UFL1: variants seen among roughly 807,000 people sequenced by gnomAD.
The protein encoded by UFL1 is UFM1 specific ligase 1, also known as E3 UFM1-protein ligase 1.
Under a neutral mutation model 99.3 loss-of-function variants are expected in UFL1, and 78 were observed. The observed-to-expected ratio is 0.79, with a 90% CI of 0.65 to 0.95. The LOEUF is 0.95. Among genes scored for constraint, UFL1 ranks in the 40% least tolerant of loss-of-function variants. The pLI is 0.00. For missense variants in UFL1, 936 were observed against 937.0 expected (o/e 1.00, Z 0.01); for synonymous variants, 335 against 322.2 (o/e 1.04, Z -0.42).
At chr6:96,550,769 G>A (rs1174066738) in intron 15 of UFL1, among the ~76,000 whole-genome samples, 1 of 151,932 alleles carries the variant, frequency 6.6e-6, no homozygotes, top group Admixed American at 6.6e-5. Flanking sequence ...AGAATATCTT[G>A]TTCCATGCCC....
Position 96,525,380 on chromosome 6 carries a change from A to G in UFL1, c.336A>G (p.Gly112=). 1 of 1,604,466 alleles carries G rather than the reference A, an allele frequency of 6.2e-7. No homozygotes were observed. Among genetic ancestry groups the G allele is most frequent in the Non-Finnish European group, 8.5e-7 (1 of 1,175,168 alleles). The part of the protein sequence containing the change: ...KSEKHVQLVL[G]QLIDENYLDR... ...AAAAGCATGTTCAGTTAGTGTTGGG[A>G]CAACTGATAGATGAGTAAGTACAAT... The change falls in exon 4 of 19, where the codon GGA becomes GGG. Residue 112 remains glycine, a synonymous_variant. Transcript: ENST00000369278.
chr6:96,550,190 T>G (rs142001557), intron 15 of UFL1, among the ~76,000 whole-genome samples: 1 of 151,952 alleles, frequency 6.6e-6, no homozygotes, highest in East Asian at 1.9e-4. Flanking sequence ...AACTCTAATC[T>G]CAAACTAAAT....
Position 96,553,481 on chromosome 6 carries a change from A to T in UFL1, c.2363A>T (p.Lys788Ile). 6.2e-7 allele frequency: 1 copy of T among 1,613,446 alleles called. No homozygotes were observed. Among genetic ancestry groups the T allele is most frequent in the Non-Finnish European group, 8.5e-7 (1 of 1,179,678 alleles). ...AAAGACCTTGTTCTCAAATCTAGGA[A>T]ATCATCTGTGACGGAAGAGTAATGA... Reference protein sequence around the residue: ...SIKDLVLKSRKSSVTEE With the variant: ...SIKDLVLKSRISSVTEE The change falls in exon 19 of 19, where the codon AAA (lysine) becomes ATA (isoleucine). Residue 788 changes from lysine to isoleucine, a missense_variant. Lys to Ile is a moderately radical substitution (Grantham distance 102). Coordinates refer to ENST00000369278, the MANE Select transcript of UFL1 (RefSeq NM_015323.5).
At position 96,523,140 on chromosome 6, in the gene UFL1, C is replaced by T. The variant is rs759033523; in HGVS notation, c.78-6C>T. 2 of 1,592,182 alleles carry T rather than the reference C, an allele frequency of 1.3e-6. No individual in the cohort carries two copies. Among genetic ancestry groups the T allele is most frequent in the Non-Finnish European group, 1.7e-6 (2 of 1,171,050 alleles). The stretch of plus-strand genomic sequence containing the variant: ...CTTTTGAAACAACTTTTTTTCTTTC[C>T]CTCAGGTTGTCCGAGCGGAACTGCA... On this transcript the variant is annotated splice_region_variant and splice_polypyrimidine_tract_variant and intron_variant, in intron 1 of 18. Transcript: ENST00000369278.
At chr6:96,550,867 A>T (rs933305609) in intron 15 of UFL1, among the ~76,000 whole-genome samples, 1 of 151,978 alleles carries the variant, frequency 6.6e-6, no homozygotes, top group Non-Finnish European at 1.5e-5. Flanking sequence ...GACATTATAC[A>T]CTTCAGGGCC....
At chr6:96,545,144 A>G (rs146306968) in intron 12 of UFL1, among the ~76,000 whole-genome samples, 4,324 of 151,146 alleles carry the variant, frequency 0.029, 159 homozygotes, top group Admixed American at 0.11. Context: ...CTGTCTGTCT[A>G]CTCTAAAGCT....
rs751367115 is a variant in UFL1, at chr6:96,552,543, G to T, written c.2047G>T (p.Ala683Ser). ...ACAGCTAAAGGTCACAGAAGACCCT[G>T]CTCTTATTCTGCACCTCACATCAGT... is the stretch of plus-strand genomic sequence containing the variant. ...AEQLKVTEDP[A>S]LILHLTSVLL... The change falls in exon 18 of 19, where the codon GCT becomes TCT. Residue 683 changes from alanine (A) to serine (S), a missense_variant. By Grantham distance (99) the Ala-to-Ser change is moderately conservative. Coordinates refer to ENST00000369278, the MANE Select transcript of UFL1 (RefSeq NM_015323.5). 3.7e-6 allele frequency: 6 copies of T among 1,612,206 alleles called. No individual in the cohort carries two copies. Among genetic ancestry groups the T allele is most frequent in the Non-Finnish European group, 5.1e-6 (6 of 1,179,372 alleles).
chr6:96,526,003 T>C (rs1277454960), intron 4 of UFL1, among the ~76,000 whole-genome samples: 1 of 151,886 alleles, frequency 6.6e-6, no homozygotes, highest in East Asian at 1.9e-4. Flanking sequence ...GGAGGATTGC[T>C]TGATCCCAGG....
At position 96,538,802 on chromosome 6, in the gene UFL1, G is replaced by C; in HGVS notation, c.1150G>C (p.Ala384Pro). The C allele has an allele frequency of 6.3e-7, 1 of 1,597,464 alleles. No individual in the cohort carries two copies. ...GTTCCGTGAGCTGATGCACCAGAAA[G>C]CTGAAAAGGTATTCCAGATTTCCTT... ...ELFRELMHQK[A>P]EKEMKNNPVH... is the part of the protein sequence containing the mutation. Residue 384 changes from alanine (A) to proline (P), a missense_variant, in exon 10 of 19, where the codon GCT becomes CCT. Coordinates refer to ENST00000369278, the MANE Select transcript of UFL1 (RefSeq NM_015323.5).
chr6:96,551,841 A>C lies in UFL1; in HGVS notation c.1903A>C (p.Ile635Leu). 1 of 1,600,282 alleles carries C rather than the reference A, an allele frequency of 6.2e-7. No individual in the cohort carries two copies. The highest frequency in any genetic ancestry group is 1.1e-5 in the South Asian group (1 of 89,412). ...KLHNSLNEKS[I>L]EDFISCLDSA... ...ATGGTATTCAATGCCTTTTCAGAGC[A>C]TAGAAGACTTTATTTCTTGTCTGGA... The change falls in exon 17 of 19, where the codon ATA becomes CTA. Residue 635 changes from isoleucine (I) to leucine (L), a missense_variant. Ile to Leu is a conservative substitution (Grantham distance 5). Transcript: ENST00000369278.
intron 12 of UFL1, among the ~76,000 whole-genome samples, chr6:96,544,715 A>C (rs937340888): frequency 1.3e-5 from 2 of 151,082 alleles, no homozygotes; most frequent in African/African-American, 2.4e-5. Flanking sequence ...TGTGAATTTT[A>C]ATTTTTCACT....
Position 96,549,487 on chromosome 6 carries a change from C to T in UFL1, c.1596C>T (p.Gly532=), listed in dbSNP as rs1770046813. Residue 532 remains glycine (G), a synonymous_variant, in exon 14 of 19, where the codon GGC becomes GGT. Coordinates refer to ENST00000369278, the MANE Select transcript of UFL1 (RefSeq NM_015323.5). ...MSSTTSASGT[G]RKRTIKDLQE... ...CAACAACTTCTGCTTCTGGGACGGG[C>T]AGAAAACGCACAATCAAGGACTTGC... 1.3e-6 allele frequency: 2 copies of T among 1,591,070 alleles called. No individual in the cohort carries two copies. Among genetic ancestry groups the T allele is most frequent in the Admixed American group, 1.9e-5 (1 of 52,470 alleles).
At chr6:96,541,731 A>C (rs1435986236) in intron 11 of UFL1, among the ~76,000 whole-genome samples, 1 of 151,224 alleles carries the variant, frequency 6.6e-6, no homozygotes, top group African/African-American at 2.4e-5. Flanking sequence ...TAGTCTATTT[A>C]ATATTTTATT....
chr6:96,536,216 A>AT (rs1769850394), intron 7 of UFL1, 28 bp from the exon 8 acceptor site: 1 of 1,595,750 alleles, frequency 6.3e-7, no homozygotes, highest in African/African-American at 1.3e-5. Flanking sequence ...GGTCTGATTT[A>AT]TTTGTATTCA....
intron 6 of UFL1, among the ~76,000 whole-genome samples, chr6:96,529,328 AC>A (rs1769749056): frequency 6.6e-6 from 1 of 152,072 alleles, no homozygotes; most frequent in African/African-American, 2.4e-5. Context: ...ACCTCTCTGA[AC>A]CCCTTTATTC....
rs748064010 is a variant in UFL1 at position 96,523,184 on chromosome 6, T to G, written c.116T>G (p.Leu39Trp). ...AACTGCATTGAGATTGTTAATAAAT[T>G]GATTGCTCAGAAACAGCTAGAAGTA... ...ERNCIEIVNK[L>W]IAQKQLEVVH... is the part of the protein sequence containing the mutation. The change falls in exon 2 of 19, where the codon TTG becomes TGG. Residue 39 changes from leucine (L) to tryptophan (W), a missense_variant. Physicochemically the swap from Leu to Trp is moderately conservative, Grantham distance 61. Coordinates refer to ENST00000369278, the MANE Select transcript of UFL1 (RefSeq NM_015323.5). 3 of 1,612,820 alleles carry G rather than the reference T, an allele frequency of 1.9e-6. No individual in the cohort carries two copies. In the East Asian group the frequency reaches 6.7e-5, roughly 36 times the overall value.
Position 96,523,284 on chromosome 6 carries a change from C to G in UFL1, c.216C>G (p.Val72=). 6.3e-7 allele frequency: 1 copy of G among 1,591,492 alleles called. No homozygotes were observed. ...AAGAAATGAGAGATGAGCTACATGT[C>G]CGAGGTGGTAGGTAATTCTTTAGTG... ...ISKEMRDELH[V]RGGRVNIVDL... is the part of the protein sequence containing the mutation. Residue 72 remains valine, a synonymous_variant, in exon 2 of 19, where the codon GTC becomes GTG. Transcript: ENST00000369278.
At chr6:96,548,604 C>T (rs2127953183) in intron 13 of UFL1, among the ~76,000 whole-genome samples, 1 of 151,616 alleles carries the variant, frequency 6.6e-6, no homozygotes, top group African/African-American at 2.4e-5. Context: ...TCTTCTATAG[C>T]ACAAAAAATA....
At chr6:96,532,065 G>A (rs1010107520) in intron 6 of UFL1, among the ~76,000 whole-genome samples, 1 of 152,176 alleles carries the variant, frequency 6.6e-6, no homozygotes. Flanking sequence ...CCAGAGAGAA[G>A]AGCAGGAAGC....
Sources: allele counts gnomAD v4.1 joint callset (sites outside exome capture counted in the v4.1 genomes callset), GRCh38; gene constraint gnomAD v4.1.1; transcripts MANE v1.5; gene names NCBI Gene and HGNC (gene_info 2026-07-23, HGNC 2026-07-21).